Variants in NECAB1 observed in about 807,000 individuals in gnomAD.
NECAB1 encodes N-terminal EF-hand calcium binding protein 1.
A neutral mutation model predicts 57.5 loss-of-function variants in NECAB1; 29 were observed. That is an observed-to-expected ratio of 0.50 (90% CI 0.38 to 0.69). The LOEUF (loss-of-function observed/expected upper bound fraction) is 0.69. Among genes scored for constraint, NECAB1 ranks in the 30% least tolerant of loss-of-function variants. NECAB1 has a pLI of 0.00. For synonymous variants in NECAB1, 142 were observed against 147.7 expected, an observed-to-expected ratio of 0.96 and a Z score of 0.28; for missense variants, 372 against 413.8, an observed-to-expected ratio of 0.90 and a Z score of 0.88.
chr8:90,905,607 G>T (rs1280279371), intron 5 of NECAB1, among the ~76,000 whole-genome samples: 1 of 152,138 alleles, frequency 6.6e-6, no homozygotes, highest in East Asian at 1.9e-4. Context: ...TTGCATCTGG[G>T]TGCTAATTTC....
chr8:90,840,950 C>CA (rs34615882), intron 3 of NECAB1, among the ~76,000 whole-genome samples: 53,467 of 121,508 alleles, frequency 0.44, 11,894 homozygotes, highest in South Asian at 0.57. Flanking sequence ...TAAATCTATT[C>CA]AAAAAAAAAA....
At chr8:90,953,355 C>T (rs1277213000) in intron 12 of NECAB1, among the ~76,000 whole-genome samples, 1 of 152,194 alleles carries the variant, frequency 6.6e-6, no homozygotes, top group Non-Finnish European at 1.5e-5. Flanking sequence ...ACATATATTA[C>T]TCTTTCTCTC....
chr8:90,877,038 C>T (rs1370313585), intron 4 of NECAB1, among the ~76,000 whole-genome samples: 2 of 152,284 alleles, frequency 1.3e-5, no homozygotes, highest in East Asian at 3.9e-4. Flanking sequence ...TATACATTTG[C>T]CCTACTCACA....
intron 3 of NECAB1, among the ~76,000 whole-genome samples, chr8:90,862,831 C>G (rs1294287433): frequency 6.6e-6 from 1 of 152,118 alleles, no homozygotes; most frequent in Non-Finnish European, 1.5e-5. Flanking sequence ...ATCTCCAACT[C>G]ACATACAAAG....
intron 2 of NECAB1, among the ~76,000 whole-genome samples, chr8:90,816,958 A>T (rs1009842947): frequency 6.6e-6 from 1 of 151,526 alleles, no homozygotes; most frequent in African/African-American, 2.4e-5. Flanking sequence ...ATATCTCCTT[A>T]TTTACTTACT....
At chr8:90,851,382 C>A (rs1428568559) in intron 3 of NECAB1, among the ~76,000 whole-genome samples, 1 of 152,130 alleles carries the variant, frequency 6.6e-6, no homozygotes, top group African/African-American at 2.4e-5. Flanking sequence ...ACTCTACCAG[C>A]AATTGGCATC....
chr8:90,881,231 A>G, intron 5 of NECAB1, 101 bp downstream of exon 5: 1 of 765,742 alleles, frequency 1.3e-6, no homozygotes, highest in Non-Finnish European at 2.1e-6. Context: ...CTTTATTATC[A>G]CTGATAGTTT....
chr8:90,805,659 G>T (rs192570150), intron 2 of NECAB1, among the ~76,000 whole-genome samples: 1 of 151,504 alleles, frequency 6.6e-6, no homozygotes, highest in Non-Finnish European at 1.5e-5. Context: ...CTTATTTACA[G>T]GTTGAATGAA....
chr8:90,793,301 G>A (rs1261328332), intron 1 of NECAB1, among the ~76,000 whole-genome samples: 1 of 152,174 alleles, frequency 6.6e-6, no homozygotes, highest in Admixed American at 6.5e-5. Context: ...ATAGAAGTGA[G>A]GTTCAACTGT....
At chr8:90,947,604 T>C (rs1438583509) in intron 10 of NECAB1, among the ~76,000 whole-genome samples, 1 of 152,172 alleles carries the variant, frequency 6.6e-6, no homozygotes, top group East Asian at 1.9e-4. Flanking sequence ...TTTCACCATG[T>C]TGGCCAGGCT....
intron 6 of NECAB1, among the ~76,000 whole-genome samples, chr8:90,920,959 T>C (rs1810094203): frequency 6.6e-6 from 1 of 152,196 alleles, no homozygotes; most frequent in African/African-American, 2.4e-5. Flanking sequence ...AACAGTCATC[T>C]GGGGTTCAGA....
At chr8:90,912,898 T>C (rs1809862395) in intron 5 of NECAB1, among the ~76,000 whole-genome samples, 1 of 152,180 alleles carries the variant, frequency 6.6e-6, no homozygotes, top group African/African-American at 2.4e-5. Context: ...TTTTCTGTTA[T>C]AGAAGCTGCT....
At position 90,939,317 on chromosome 8, in the gene NECAB1, T is replaced by C. The variant is rs913173169; in HGVS notation, c.748-1469T>C. ...GCCTCTTAGGGCCTGAATTTGAAAC[T>C]GGTGCACTGTCAGTTCTGCTACGTT... On this transcript the variant is annotated intron_variant, in intron 9 of 12. Transcript: ENST00000417640. 1.3e-5 allele frequency among the ~76,000 whole-genome samples: 2 copies of C among 152,218 alleles called. 1 individual carries two copies.
intron 5 of NECAB1, among the ~76,000 whole-genome samples, chr8:90,892,720 T>C (rs1351009181): frequency 6.6e-6 from 1 of 152,202 alleles, no homozygotes; most frequent in African/African-American, 2.4e-5. Flanking sequence ...AGGGATTCCT[T>C]GTCACAGCAC....
intron 3 of NECAB1, among the ~76,000 whole-genome samples, chr8:90,840,171 C>T (rs867223778): frequency 6.6e-6 from 1 of 152,162 alleles, no homozygotes; most frequent in Non-Finnish European, 1.5e-5. Context: ...ATTGACTTCA[C>T]GGATTGAGTT....
chr8:90,842,478 T>C (rs1812471295), intron 3 of NECAB1, among the ~76,000 whole-genome samples: 1 of 152,210 alleles, frequency 6.6e-6, no homozygotes, highest in Non-Finnish European at 1.5e-5. Flanking sequence ...CAGGGGAACA[T>C]CATCAGCAGG....
intron 3 of NECAB1, among the ~76,000 whole-genome samples, chr8:90,828,651 G>A (rs1030245331): frequency 2.0e-5 from 3 of 151,990 alleles, no homozygotes; most frequent in African/African-American, 7.2e-5. Context: ...GGGAAACCCA[G>A]CTTTCCATCA....
intron 5 of NECAB1, among the ~76,000 whole-genome samples, chr8:90,889,678 G>T (rs1278701522): frequency 1.3e-5 from 2 of 152,164 alleles, no homozygotes; most frequent in Non-Finnish European, 2.9e-5. Context: ...GCTTCCATTT[G>T]TCACCACATG....
chr8:90,879,142 T>A (rs1372121797), intron 4 of NECAB1, among the ~76,000 whole-genome samples: 3 of 144,372 alleles, frequency 2.1e-5, no homozygotes, highest in African/African-American at 5.1e-5. Context: ...TATATATATA[T>A]CGAGAGAGAG....
Sources: allele counts gnomAD v4.1 joint callset (sites outside exome capture counted in the v4.1 genomes callset), GRCh38; gene constraint gnomAD v4.1.1; transcripts MANE v1.5; gene names NCBI Gene and HGNC (gene_info 2026-07-23, HGNC 2026-07-21).